CCDC150: variants seen among roughly 807,000 people sequenced by gnomAD.
The protein encoded by CCDC150 is coiled-coil domain containing 150.
In CCDC150, 151 loss-of-function variants were observed where a neutral mutation model predicts 156.5. That is an observed-to-expected ratio of 0.97 (90% confidence interval 0.85 to 1.10). The LOEUF (loss-of-function observed/expected upper bound fraction) is 1.10, where lower values mean the gene tolerates loss of function less well. Among genes scored for constraint, CCDC150 ranks in the 50% least tolerant of loss-of-function variants. CCDC150 has a pLI of 0.00. For synonymous variants in CCDC150, 452 were observed against 429.4 expected (o/e 1.05, Z -0.65); for missense variants, 1,312 against 1,268.1 (o/e 1.03, Z -0.53).
At chr2:196,689,026 C>G (rs1297776503) in intron 13 of CCDC150, among the ~76,000 whole-genome samples, 25 of 152,072 alleles carry the variant, frequency 1.6e-4, no homozygotes, top group African/African-American at 5.1e-4. Flanking sequence ...GCTTGTTTTT[C>G]TCAGGTTTGT....
rs186594424 is a variant in CCDC150 at position 196,686,234 on chromosome 2, C to T, written c.1510-8812C>T. The T allele has an allele frequency of 3.1e-4, 88 of 284,486 alleles. No homozygotes were observed. The Admixed American group carries it at 3.5e-3, about 11-fold the overall frequency. 17.6% of individuals were successfully genotyped at this position (284,486 alleles called of 1,614,324 possible). On this transcript the variant is annotated intron_variant, in intron 13 of 27. Transcript: ENST00000389175. Reference sequence around the variant, plus strand: ...ATTCAAAACCCAGGAAAGACTTCTCCTGGGAATTTACTTTATGTCAGGCTT... The same window carrying T: ...ATTCAAAACCCAGGAAAGACTTCTCTTGGGAATTTACTTTATGTCAGGCTT...
At chr2:196,732,327 CT>C in intron 27 of CCDC150, 118 bp from the exon 28 acceptor site, 1 of 1,132,720 alleles carries the variant, frequency 8.8e-7, no homozygotes, top group Non-Finnish European at 1.3e-6. Context: ...CTGTCACAAA[CT>C]TTTTAGATTA....
At chr2:196,659,560 G>A (rs572669139) in intron 5 of CCDC150, among the ~76,000 whole-genome samples, 2 of 152,324 alleles carry the variant, frequency 1.3e-5, no homozygotes, top group South Asian at 2.1e-4. Flanking sequence ...TAGGTGGTAA[G>A]CATAGGTATT....
chr2:196,710,263 G>C (rs1021759121), intron 15 of CCDC150, among the ~76,000 whole-genome samples: 1 of 152,198 alleles, frequency 6.6e-6, no homozygotes, highest in African/African-American at 2.4e-5. Flanking sequence ...AGACTTCTGC[G>C]TTAGCAGTGA....
intron 20 of CCDC150, 55 bp from the exon 21 acceptor site, chr2:196,721,467 G>C (rs1697905737): frequency 7.2e-7 from 1 of 1,392,390 alleles, no homozygotes; most frequent in Admixed American, 2.5e-5. Flanking sequence ...CAGTGTTATG[G>C]ACTTCTTGCA....
intron 7 of CCDC150, among the ~76,000 whole-genome samples, chr2:196,669,232 C>T (rs549155839): frequency 6.6e-6 from 1 of 152,272 alleles, no homozygotes; most frequent in South Asian, 2.1e-4. Flanking sequence ...TGTCAAAACA[C>T]ATAGAAAACT....
At chr2:196,671,701 T>C (rs571478077) in intron 8 of CCDC150, among the ~76,000 whole-genome samples, 1 of 152,280 alleles carries the variant, frequency 6.6e-6, no homozygotes, top group African/African-American at 2.4e-5. Flanking sequence ...GTGCTGGGAT[T>C]ACAGGGATGA....
intron 15 of CCDC150, among the ~76,000 whole-genome samples, chr2:196,708,735 G>C (rs1348354187): frequency 6.6e-6 from 1 of 152,190 alleles, no homozygotes; most frequent in Non-Finnish European, 1.5e-5. Context: ...TTGCTTGTCT[G>C]TAAAGGTTTT....
intron 17 of CCDC150, among the ~76,000 whole-genome samples, chr2:196,716,962 G>A (rs1185393153): frequency 6.7e-6 from 1 of 148,514 alleles, no homozygotes; most frequent in Non-Finnish European, 1.5e-5. Context: ...CTGGGTTCAA[G>A]CGATTCTCGT....
At position 196,725,994 on chromosome 2, in the gene CCDC150, C is replaced by G. The variant is rs767482846; in HGVS notation, c.2451C>G (p.Ser817=). 1.2e-6 allele frequency: 2 copies of G among 1,601,132 alleles called. No homozygotes were observed. The highest frequency in any genetic ancestry group is 2.3e-5 in the South Asian group (2 of 88,554). ...ACAGAGACCGGATGACTGAAGAGTC[C>G]AAAGTGGAAGCAGAATTGCATGCTG... ...ETFKDRMTEE[S]KVEAELHAER... Residue 817 remains serine (S), a synonymous_variant, in exon 22 of 28, where the codon TCC becomes TCG. Transcript: ENST00000389175.
rs775963889 is a variant in CCDC150, at chr2:196,730,103, A to G, written c.2967A>G (p.Leu989=). 5.6e-6 allele frequency: 9 copies of G among 1,606,722 alleles called. No individual in the cohort carries two copies. In the South Asian group the frequency reaches 6.7e-5, roughly 12 times the overall value. ...LEAERKIRQE[L]ENRCQELEET... ...CAGAGCGGAAAATAAGGCAGGAGCTAGAGAATCGGTGCCAGGTAAAAGGTT... is the reference window on the plus strand; with the variant it reads ...CAGAGCGGAAAATAAGGCAGGAGCTGGAGAATCGGTGCCAGGTAAAAGGTT... Residue 989 remains leucine, a synonymous_variant, in exon 25 of 28, where the codon CTA becomes CTG. Transcript: ENST00000389175.
chr2:196,689,688 C>T (rs1695329941), intron 13 of CCDC150, among the ~76,000 whole-genome samples: 2 of 151,528 alleles, frequency 1.3e-5, no homozygotes. Context: ...ATGTCATCTG[C>T]AAACAGGGAC....
Position 196,729,974 on chromosome 2 carries a change from ATTTG to A in CCDC150, c.2840_2843del (p.Phe947CysfsTer4). On this transcript the variant is annotated frameshift_variant, in exon 25 of 28. Coordinates refer to ENST00000389175, the MANE Select transcript of CCDC150 (RefSeq NM_001080539.2). LOFTEE classifies it high-confidence loss of function. ...CCTTCCAGTCTTTGAGTATCCAGAG[ATTTG>A]TGTGTGAAATGACTAACCTGCAGAA... 6.2e-7 allele frequency: 1 copy of A among 1,612,898 alleles called. No individual in the cohort carries two copies. The highest frequency in any genetic ancestry group is 8.5e-7 in the Non-Finnish European group (1 of 1,179,558).
chr2:196,719,765 CA>C (rs368182383), intron 19 of CCDC150, 99 bp downstream of exon 19: 5,676 of 532,410 alleles, frequency 0.011, no homozygotes, highest in South Asian at 0.02. Context: ...GCTTCCTTTA[CA>C]AAAAAAAAAA....
chr2:196,730,928 A>G lies in CCDC150; in HGVS notation c.3052A>G (p.Ser1018Gly). The change falls in exon 26 of 28, where the codon AGT becomes GGT. Residue 1018 changes from serine to glycine, a missense_variant. Transcript: ENST00000389175. ...AACAGAGAATACGCTGAAAGAAGCC[A>G]GTGTGGAATCAGAACAGGTGAGCCA... ...EATENTLKEASVESEQITANL... is the reference protein window; with the variant it reads ...EATENTLKEAGVESEQITANL... The G allele has an allele frequency of 1.3e-6, 2 of 1,598,072 alleles. No individual in the cohort carries two copies. Among genetic ancestry groups the G allele is most frequent in the Non-Finnish European group, 1.7e-6 (2 of 1,172,156 alleles).
At chr2:196,717,864 C>G (rs923305531) in intron 17 of CCDC150, among the ~76,000 whole-genome samples, 16 of 145,016 alleles carry the variant, frequency 1.1e-4, no homozygotes, top group Non-Finnish European at 2.4e-4. Flanking sequence ...GCACTCCAGC[C>G]TAGATGACAG....
intron 2 of CCDC150, among the ~76,000 whole-genome samples, chr2:196,654,311 T>A (rs1177758112): frequency 6.6e-6 from 1 of 151,520 alleles, no homozygotes; most frequent in African/African-American, 2.4e-5. Flanking sequence ...GTTTTTTTTT[T>A]ATTATTATTA....
chr2:196,694,155 C>T (rs1275570649), intron 13 of CCDC150, among the ~76,000 whole-genome samples: 4 of 148,992 alleles, frequency 2.7e-5, no homozygotes, highest in Admixed American at 2.0e-4. Context: ...CTCCCTGGTT[C>T]GAGCAGTTCT....
chr2:196,641,874 A>G (rs1692251282), intron 1 of CCDC150, among the ~76,000 whole-genome samples: 1 of 152,190 alleles, frequency 6.6e-6, no homozygotes, highest in South Asian at 2.1e-4. Flanking sequence ...GTGTACACCT[A>G]TTGCCAGGTG....
Sources: allele counts gnomAD v4.1 joint callset (sites outside exome capture counted in the v4.1 genomes callset), GRCh38; gene constraint gnomAD v4.1.1; transcripts MANE v1.5; gene names NCBI Gene and HGNC (gene_info 2026-07-23, HGNC 2026-07-21).